AP1S3: variants seen among roughly 807,000 people sequenced by gnomAD.
AP1S3 encodes adaptor related protein complex 1 subunit sigma 3, also known as AP-1 complex subunit sigma-3.
A neutral mutation model predicts 20.9 loss-of-function variants in AP1S3; 10 were observed. That is an observed-to-expected ratio of 0.48 (90% confidence interval 0.29 to 0.81). AP1S3 has a LOEUF of 0.81. AP1S3 is among the 30% of genes least tolerant of loss of function. AP1S3 has a pLI of 0.08. For missense variants in AP1S3, 154 were observed against 183.8 expected, an observed-to-expected ratio of 0.84 and a Z score of 0.94; for synonymous variants, 41 against 61.5, an observed-to-expected ratio of 0.67 and a Z score of 1.56.
chr2:223,770,303 A>G (rs1165303739), intron 3 of AP1S3: 4 of 1,550,586 alleles, frequency 2.6e-6, no homozygotes, highest in Middle Eastern at 1.7e-4. Flanking sequence ...GAGCCTCATT[A>G]GGAGAAACCA....
chr2:223,774,480 G>C (rs909096406), intron 3 of AP1S3, among the ~76,000 whole-genome samples: 5 of 152,234 alleles, frequency 3.3e-5, no homozygotes, highest in South Asian at 2.1e-4. Flanking sequence ...CAACAGGCTG[G>C]GGGGGTTGAT....
At chr2:223,816,764 C>A (rs1691852558) in intron 1 of AP1S3, among the ~76,000 whole-genome samples, 1 of 152,204 alleles carries the variant, frequency 6.6e-6, no homozygotes, top group South Asian at 2.1e-4. Context: ...AGATCCATAA[C>A]ACCAGAGTCA....
intron 3 of AP1S3, among the ~76,000 whole-genome samples, chr2:223,765,656 C>T (rs1690460277): frequency 6.6e-6 from 1 of 152,176 alleles, no homozygotes; most frequent in Non-Finnish European, 1.5e-5. Context: ...GAAAACTGAG[C>T]CCCAGCTGCA....
chr2:223,801,719 C>G (rs1328853633), intron 1 of AP1S3, among the ~76,000 whole-genome samples: 1 of 152,156 alleles, frequency 6.6e-6, no homozygotes, highest in Non-Finnish European at 1.5e-5. Flanking sequence ...GCTGGGATTA[C>G]AGGCGTGAGC....
chr2:223,792,905 T>C (rs926293276), intron 1 of AP1S3, among the ~76,000 whole-genome samples: 5 of 151,644 alleles, frequency 3.3e-5, no homozygotes, highest in African/African-American at 4.9e-5. Flanking sequence ...CCCATTAAAG[T>C]AGGCAAAGGA....
At chr2:223,786,898 C>T (rs1691090750) in intron 1 of AP1S3, among the ~76,000 whole-genome samples, 1 of 151,714 alleles carries the variant, frequency 6.6e-6, no homozygotes, top group Admixed American at 6.6e-5. Context: ...AAGTGAGACC[C>T]TGTCTCAAAA....
intron 1 of AP1S3, among the ~76,000 whole-genome samples, chr2:223,780,338 G>A (rs1238307367): frequency 1.3e-4 from 17 of 129,000 alleles, no homozygotes; most frequent in African/African-American, 5.4e-4. Context: ...GAGAGAGAGA[G>A]AGAGAGAGAG....
intron 1 of AP1S3, among the ~76,000 whole-genome samples, chr2:223,790,151 C>G (rs561639861): frequency 6.6e-6 from 1 of 151,986 alleles, no homozygotes; most frequent in South Asian, 2.1e-4. Flanking sequence ...ATGTCTACAT[C>G]CAGCCAAATT....
At position 223,772,103 on chromosome 2, in the gene AP1S3, G is replaced by A. The variant is rs188893570; in HGVS notation, c.291+3798C>T. ...GCCTGGGCAACAAGAGCGAGACTCC[G>A]TCTCAAAAAAATAAATAAATAAAAT... On this transcript the variant is annotated intron_variant, in intron 3 of 4. Transcript: ENST00000396654. Among the ~76,000 whole-genome samples, 406 of 152,268 alleles carry A rather than the reference G, an allele frequency of 2.7e-3. 3 individuals carry two copies. The highest frequency in any genetic ancestry group is 9.0e-3 in the African/African-American group (376 of 41,568).
intron 3 of AP1S3, 47 bp downstream of exon 3, chr2:223,775,854 T>G: frequency 5.0e-6 from 7 of 1,407,390 alleles, no homozygotes; most frequent in South Asian, 1.2e-5. Flanking sequence ...AAGTAAGAGC[T>G]GAGATGGGGA....
At chr2:223,767,967 A>G (rs1690520656) in intron 3 of AP1S3, among the ~76,000 whole-genome samples, 1 of 152,124 alleles carries the variant, frequency 6.6e-6, no homozygotes, top group African/African-American at 2.4e-5. Flanking sequence ...GCTGCTGCTC[A>G]GGCCTACAGC....
chr2:223,780,913 A>G (rs943689713), intron 1 of AP1S3, among the ~76,000 whole-genome samples: 35 of 151,634 alleles, frequency 2.3e-4, no homozygotes, highest in Admixed American at 6.6e-4. Flanking sequence ...ATAGTACTTA[A>G]GTTAGTTTCT....
At chr2:223,809,237 T>C (rs1355528550) in intron 1 of AP1S3, among the ~76,000 whole-genome samples, 2 of 152,142 alleles carry the variant, frequency 1.3e-5, no homozygotes, top group Non-Finnish European at 2.9e-5. Context: ...AATCATCTAC[T>C]CTTCCCTTCG....
chr2:223,788,304 C>A (rs1691122949), intron 1 of AP1S3, among the ~76,000 whole-genome samples: 1 of 150,758 alleles, frequency 6.6e-6, no homozygotes, highest in African/African-American at 2.4e-5. Context: ...GGACTTACAT[C>A]ATTTTCGCCC....
At position 223,832,811 on chromosome 2, in the gene AP1S3, T is replaced by G. The variant is rs1321990061; in HGVS notation, c.3+4637A>C. On this transcript the variant is annotated intron_variant, in intron 1 of 4. Transcript: ENST00000396654. ...AAGGAATTTTTTTTCTTTTTTCTTTTTTTTTTTTTTTTTTAGGAGAAGGGT... is the reference window on the plus strand; with the variant it reads ...AAGGAATTTTTTTTCTTTTTTCTTTGTTTTTTTTTTTTTTAGGAGAAGGGT... Among the ~76,000 whole-genome samples, 26 of 145,812 alleles carry G rather than the reference T, an allele frequency of 1.8e-4. 1 individual carries two copies. The East Asian group carries it at 3.1e-3, about 18-fold the overall frequency.
intron 4 of AP1S3, among the ~76,000 whole-genome samples, chr2:223,762,946 A>G (rs80289409): frequency 6.6e-6 from 1 of 152,092 alleles, no homozygotes; most frequent in African/African-American, 2.4e-5. Flanking sequence ...AAAAAAAAAA[A>G]GCAGTAATTA....
intron 1 of AP1S3, among the ~76,000 whole-genome samples, chr2:223,813,289 A>G (rs1163331780): frequency 6.6e-6 from 1 of 152,156 alleles, no homozygotes; most frequent in African/African-American, 2.4e-5. Context: ...TTTTCCTATG[A>G]CTTTCAAAAC....
At chr2:223,837,305 C>G (rs12996003) in intron 1 of AP1S3, 143 bp downstream of exon 1, 1 of 366,208 alleles carries the variant, frequency 2.7e-6, no homozygotes, top group Non-Finnish European at 4.7e-6. Flanking sequence ...AGCGGGGCCA[C>G]AGGGACGCAC....
chr2:223,768,056 C>T (rs114326869), intron 3 of AP1S3, among the ~76,000 whole-genome samples: 1 of 152,172 alleles, frequency 6.6e-6, no homozygotes, highest in Admixed American at 6.5e-5. Context: ...TAATGCTTAG[C>T]TAAAATGCTG....
Sources: gnomAD v4.1 joint callset for allele counts (sites outside exome capture counted in the v4.1 genomes callset) on GRCh38, gnomAD v4.1.1 for gene constraint, MANE v1.5 for transcripts, NCBI Gene and HGNC (gene_info 2026-07-23, HGNC 2026-07-21) for gene names.